The following ALK variants were observed in gnomAD, a reference collection of about 807,000 sequenced individuals.
ALK encodes ALK tyrosine kinase receptor.
A neutral mutation model predicts 163.1 loss-of-function variants in ALK; 74 were observed. The observed-to-expected ratio is 0.45, with a 90% CI of 0.38 to 0.55. The LOEUF (loss-of-function observed/expected upper bound fraction) is 0.55, where lower values mean the gene tolerates loss of function less well. Among genes scored for constraint, ALK ranks in the 20% least tolerant of loss-of-function variants. The probability of loss-of-function intolerance (pLI) is 0.00; values close to 1 mark genes in which losing one functional copy is unlikely to be tolerated. For synonymous variants in ALK, 960 were observed against 843.2 expected (o/e 1.14, Z -2.40); for missense variants, 2,063 against 2,105.3 (o/e 0.98, Z 0.39).
At chr2:29,315,840 C>G (rs903532994) in intron 8 of ALK, among the ~76,000 whole-genome samples, 2 of 152,174 alleles carry the variant, frequency 1.3e-5, no homozygotes, top group Non-Finnish European at 2.9e-5. Flanking sequence ...CAGGACTGAG[C>G]TGGGTTTGAA....
At chr2:29,573,642 T>G (rs1428210360) in intron 3 of ALK, among the ~76,000 whole-genome samples, 1 of 152,212 alleles carries the variant, frequency 6.6e-6, no homozygotes, top group South Asian at 2.1e-4. Flanking sequence ...TTATTCGTAC[T>G]ACTATGGCAG....
At chr2:29,804,630 G>A (rs190238893) in intron 1 of ALK, among the ~76,000 whole-genome samples, 17 of 152,298 alleles carry the variant, frequency 1.1e-4, no homozygotes, top group East Asian at 5.8e-4. Flanking sequence ...CATTGTCTGC[G>A]TTGGGTTTAA....
intron 4 of ALK, among the ~76,000 whole-genome samples, chr2:29,493,067 T>A (rs890244819): frequency 1.3e-5 from 2 of 152,238 alleles, no homozygotes; most frequent in African/African-American, 4.8e-5. Context: ...TCTCTCCTGC[T>A]GTCCTTTTGA....
intron 2 of ALK, among the ~76,000 whole-genome samples, chr2:29,695,797 A>C (rs548209098): frequency 3.3e-5 from 5 of 152,350 alleles, no homozygotes; most frequent in Non-Finnish European, 5.9e-5. Flanking sequence ...GAGAAATGCA[A>C]ATCAAAACCA....
At chr2:29,642,335 G>A (rs1441787904) in intron 3 of ALK, among the ~76,000 whole-genome samples, 1 of 152,172 alleles carries the variant, frequency 6.6e-6, no homozygotes, top group Non-Finnish European at 1.5e-5. Context: ...CTCAGTGGCT[G>A]AGCTTTGAAT....
chr2:29,718,025 T>A (rs925489700), intron 1 of ALK, among the ~76,000 whole-genome samples: 1 of 152,204 alleles, frequency 6.6e-6, no homozygotes, highest in African/African-American at 2.4e-5. Flanking sequence ...TAATAATTTG[T>A]GCAGCTTTAT....
chr2:29,553,573 C>T (rs1673769411), intron 3 of ALK, among the ~76,000 whole-genome samples: 1 of 152,170 alleles, frequency 6.6e-6, no homozygotes, highest in Admixed American at 6.5e-5. Flanking sequence ...ATGCTCACTC[C>T]TTGACAGCAG....
intron 24 of ALK, among the ~76,000 whole-genome samples, chr2:29,211,649 A>C (rs1669468775): frequency 6.6e-6 from 1 of 152,240 alleles, no homozygotes. Context: ...TTAAGAGCAG[A>C]TAAAGGGTGG....
At chr2:29,292,739 T>C (rs1185493662) in intron 9 of ALK, among the ~76,000 whole-genome samples, 1 of 152,242 alleles carries the variant, frequency 6.6e-6, no homozygotes, top group Non-Finnish European at 1.5e-5. Flanking sequence ...CATTATACTA[T>C]GGTTGTACAG....
intron 3 of ALK, among the ~76,000 whole-genome samples, chr2:29,666,504 C>T (rs535596043): frequency 1.1e-4 from 16 of 152,238 alleles, no homozygotes; most frequent in African/African-American, 3.8e-4. Context: ...ACTCATTACT[C>T]AGTGTCTCCC....
At chr2:29,716,903 AGAAGGCTGAGGCAGGCGGATCAC>A (rs1468855446) in intron 2 of ALK, among the ~76,000 whole-genome samples, 6 of 147,904 alleles carry the variant, frequency 4.1e-5, no homozygotes, top group Non-Finnish European at 7.4e-5. Context: ...CCAGCACTTT[AGAAGGCTGAGGCAGGCGGATCAC>A]GAGGTCAGGA....
chr2:29,858,313 A>G (rs1666195802), intron 1 of ALK, among the ~76,000 whole-genome samples: 2 of 152,150 alleles, frequency 1.3e-5, no homozygotes, highest in Non-Finnish European at 1.5e-5. Context: ...GCACTCTAAC[A>G]TTATATGAAT....
intron 1 of ALK, among the ~76,000 whole-genome samples, chr2:29,766,230 C>G (rs1248892723): frequency 6.6e-6 from 1 of 152,210 alleles, no homozygotes; most frequent in Non-Finnish European, 1.5e-5. Flanking sequence ...ATTCAGAAAT[C>G]TGGTTCTTGC....
At chr2:29,378,627 AG>A (rs1218958576) in intron 5 of ALK, among the ~76,000 whole-genome samples, 2 of 152,320 alleles carry the variant, frequency 1.3e-5, no homozygotes, top group East Asian at 3.9e-4. Flanking sequence ...AACAGGGCCT[AG>A]TGCATGGAAG....
Position 29,487,145 on chromosome 2 carries a change from G to A in ALK, c.1154+44770C>T, listed in dbSNP as rs535823145. ...TTAACAAGCGATACTCTAACTTTCC[G>A]TCCTTTAGAGTCATCAAAAAAGTAG... On this transcript the variant is annotated intron_variant, in intron 4 of 28. Transcript: ENST00000389048. 1.8e-3 allele frequency among the ~76,000 whole-genome samples: 276 copies of A among 152,268 alleles called. 1 individual carries two copies. The highest frequency in any genetic ancestry group is 6.2e-3 in the African/African-American group (259 of 41,556).
At chr2:29,421,651 A>T (rs990318195) in intron 4 of ALK, among the ~76,000 whole-genome samples, 14 of 151,442 alleles carry the variant, frequency 9.2e-5, no homozygotes, top group Non-Finnish European at 1.6e-4. Context: ...TAAACACCAG[A>T]TTAGAGATGT....
intron 3 of ALK, among the ~76,000 whole-genome samples, chr2:29,593,009 T>C (rs1362749477): frequency 6.6e-6 from 1 of 152,226 alleles, no homozygotes; most frequent in Admixed American, 6.5e-5. Flanking sequence ...CGGTCATTTG[T>C]TGTGGCAGCC....
At chr2:29,888,361 G>T (rs1490211927) in intron 1 of ALK, among the ~76,000 whole-genome samples, 2 of 151,546 alleles carry the variant, frequency 1.3e-5, no homozygotes, top group Admixed American at 6.6e-5. Context: ...TTCAAAGCAG[G>T]ATTAGAAGAA....
intron 3 of ALK, among the ~76,000 whole-genome samples, chr2:29,563,026 C>T (rs1674071823): frequency 6.6e-6 from 1 of 152,162 alleles, no homozygotes; most frequent in African/African-American, 2.4e-5. Flanking sequence ...CCTTATGTGG[C>T]TTTACTCACA....
Sources: allele counts gnomAD v4.1 joint callset (sites outside exome capture counted in the v4.1 genomes callset), GRCh38; gene constraint gnomAD v4.1.1; transcripts MANE v1.5; gene names NCBI Gene and HGNC (gene_info 2026-07-23, HGNC 2026-07-21).